The following GALM variants were observed in gnomAD, a reference collection of about 807,000 sequenced individuals.
GALM encodes galactose mutarotase.
Under a neutral mutation model 37.4 loss-of-function variants are expected in GALM, and 43 were observed. The observed-to-expected ratio is 1.15, with a 90% CI of 0.90 to 1.48. GALM has a LOEUF of 1.48. Among genes scored for constraint, GALM ranks in the 40% most tolerant of loss-of-function variants. The pLI, the probability that GALM is intolerant of heterozygous loss-of-function variation, is 0.00. For missense variants in GALM, 456 were observed against 419.1 expected (o/e 1.09, Z -0.77); for synonymous variants, 199 against 170.6 (o/e 1.17, Z -1.30).
chr2:38,689,062 C>T (rs141766976), intron 3 of GALM, among the ~76,000 whole-genome samples: 1,730 of 152,280 alleles, frequency 0.011, 45 homozygotes, highest in African/African-American at 0.04. Flanking sequence ...TCAGGTGATC[C>T]GCCTGCCTCG....
chr2:38,718,781 C>T (rs769496420), intron 4 of GALM, among the ~76,000 whole-genome samples: 1 of 151,696 alleles, frequency 6.6e-6, no homozygotes, highest in African/African-American at 2.4e-5. Flanking sequence ...CAAGAGTCAA[C>T]GACTCTTACA....
At chr2:38,667,686 A>G (rs1368306624) in intron 1 of GALM, among the ~76,000 whole-genome samples, 1 of 151,762 alleles carries the variant, frequency 6.6e-6, no homozygotes, top group South Asian at 2.1e-4. Flanking sequence ...GGGTTTCACC[A>G]TGTTGGCCAG....
At chr2:38,679,639 A>G (rs1333470499) in intron 2 of GALM, among the ~76,000 whole-genome samples, 1 of 152,172 alleles carries the variant, frequency 6.6e-6, no homozygotes, top group African/African-American at 2.4e-5. Context: ...TAGTGATCCC[A>G]GAGCTCTCTA....
At chr2:38,680,836 TAATAATTAA>T (rs1395007011) in intron 2 of GALM, among the ~76,000 whole-genome samples, 1 of 152,060 alleles carries the variant, frequency 6.6e-6, no homozygotes, top group Non-Finnish European at 1.5e-5. Context: ...CAAACATTTG[TAATAATTAA>T]AATCCAGGGA....
chr2:38,669,735 T>A (rs557268112), intron 1 of GALM, among the ~76,000 whole-genome samples: 4 of 152,112 alleles, frequency 2.6e-5, no homozygotes, highest in African/African-American at 9.6e-5. Flanking sequence ...TAGCTGGGCA[T>A]GGTGGCGCAT....
intron 4 of GALM, among the ~76,000 whole-genome samples, chr2:38,707,422 A>C (rs1666053846): frequency 6.6e-6 from 1 of 152,146 alleles, no homozygotes; most frequent in Admixed American, 6.5e-5. Flanking sequence ...GTGCCAAGGG[A>C]GATGGCCAGG....
At chr2:38,703,102 T>A (rs1459362473) in intron 4 of GALM, among the ~76,000 whole-genome samples, 132 of 48,078 alleles carry the variant, frequency 2.7e-3, no homozygotes, top group East Asian at 4.3e-3. Context: ...ATTTTTTTTT[T>A]TTTTTTTTTT....
chr2:38,694,045 G>A (rs1465944449), intron 4 of GALM, among the ~76,000 whole-genome samples: 1 of 152,116 alleles, frequency 6.6e-6, no homozygotes, highest in African/African-American at 2.4e-5. Context: ...AGCCAGGAGT[G>A]TTGGTGCATG....
At chr2:38,697,231 A>T (rs1438715044) in intron 4 of GALM, among the ~76,000 whole-genome samples, 2 of 152,140 alleles carry the variant, frequency 1.3e-5, no homozygotes, top group Non-Finnish European at 2.9e-5. Flanking sequence ...TTGTCAGATC[A>T]CCTACATTCC....
Position 38,676,036 on chromosome 2 carries a change from T to C in GALM, c.315T>C (p.Ser105=). 6.2e-7 allele frequency: 1 copy of C among 1,614,026 alleles called. No homozygotes were observed. The highest frequency in any genetic ancestry group is 1.3e-5 in the African/African-American group (1 of 75,004). ...YHLAINKEPN[S]LHGGVRGFDK... ...TGGCCATTAACAAGGAACCCAACAG[T>C]CTGCATGGAGGAGTCAGAGGGTTTG... Residue 105 remains serine (S), a synonymous_variant, in exon 2 of 7, where the codon AGT becomes AGC. Transcript: ENST00000272252.
At chr2:38,672,633 G>C (rs1262975175) in intron 1 of GALM, among the ~76,000 whole-genome samples, 2 of 152,200 alleles carry the variant, frequency 1.3e-5, no homozygotes, top group African/African-American at 4.8e-5. Context: ...TTTGGGGCAA[G>C]TTATTTAACT....
intron 4 of GALM, among the ~76,000 whole-genome samples, chr2:38,722,040 A>ACCCCCCCC (rs1178141610): frequency 5.6e-5 from 3 of 53,436 alleles, no homozygotes; most frequent in Non-Finnish European, 1.1e-4. Flanking sequence ...TCCCCCCCCC[A>ACCCCCCCC]CCCCCCCCCC....
At position 38,666,146 on chromosome 2, in the gene GALM, A is replaced by G. The variant is rs202040902; in HGVS notation, c.-16A>G. On this transcript the variant is annotated 5_prime_UTR_variant, in exon 1 of 7. Transcript: ENST00000272252. The stretch of plus-strand genomic sequence containing the variant: ...TTTGAAGAGCGGGCAGTGGCTGCAC[A>G]CGCCAAACTTTCCCTATGGCTTCGG... 1.9e-5 allele frequency: 30 copies of G among 1,602,906 alleles called. No individual in the cohort carries two copies. In the African/African-American group the frequency reaches 3.9e-4, roughly 21 times the overall value.
intron 4 of GALM, among the ~76,000 whole-genome samples, chr2:38,698,719 A>G (rs937064938): frequency 1.3e-5 from 2 of 151,848 alleles, no homozygotes; most frequent in African/African-American, 4.8e-5. Flanking sequence ...ATGGATGTCC[A>G]GAGACAGAGA....
intron 4 of GALM, among the ~76,000 whole-genome samples, chr2:38,704,569 A>C (rs1403862278): frequency 6.6e-6 from 1 of 151,876 alleles, no homozygotes; most frequent in Non-Finnish European, 1.5e-5. Context: ...CCAGCTACTT[A>C]TGAGGCTGAG....
At chr2:38,686,427 A>C (rs181408093) in intron 3 of GALM, among the ~76,000 whole-genome samples, 3 of 151,434 alleles carry the variant, frequency 2.0e-5, no homozygotes, top group African/African-American at 2.4e-5. Context: ...CACCATGCCC[A>C]GCTACTTTTT....
At chr2:38,672,363 G>T (rs56662272) in intron 1 of GALM, among the ~76,000 whole-genome samples, 11,768 of 152,260 alleles carry the variant, frequency 0.077, 755 homozygotes, top group East Asian at 0.32. Flanking sequence ...ACAAAACCAA[G>T]GAAAGATTGT....
chr2:38,693,248 C>T (rs564395598), intron 4 of GALM, among the ~76,000 whole-genome samples: 60 of 152,118 alleles, frequency 3.9e-4, no homozygotes, highest in South Asian at 1.2e-3. Context: ...TTTGGGAGGC[C>T]GAGGTGGGCA....
Position 38,709,798 on chromosome 2 carries a change from G to A in GALM, c.635-19758G>A, listed in dbSNP as rs1177253122. Among the ~76,000 whole-genome samples the A allele has an allele frequency of 2.6e-5, 4 of 152,286 alleles. No individual in the cohort carries two copies. The East Asian group carries it at 7.7e-4, about 29-fold the overall frequency. On this transcript the variant is annotated intron_variant, in intron 4 of 6. Transcript: ENST00000272252. ...TTTTAATTATCATCCTCTTTATGTT[G>A]TTTCCTAAAATAACAACAGGCATTC...
Sources: allele counts gnomAD v4.1 joint callset (sites outside exome capture counted in the v4.1 genomes callset), GRCh38; gene constraint gnomAD v4.1.1; transcripts MANE v1.5; gene names NCBI Gene and HGNC (gene_info 2026-07-23, HGNC 2026-07-21).